DUS3L: variants seen among roughly 807,000 people sequenced by gnomAD.
DUS3L encodes dihydrouridine synthase 3 like.
Under a neutral mutation model 74.6 loss-of-function variants are expected in DUS3L, and 62 were observed. The observed-to-expected ratio is 0.83, with a 90% CI of 0.68 to 1.03. The LOEUF (loss-of-function observed/expected upper bound fraction) is 1.03. Ranked by LOEUF, DUS3L falls within the 50% of genes least tolerant of loss-of-function variation. The probability of loss-of-function intolerance (pLI) is 0.00; values close to 1 mark genes in which losing one functional copy is unlikely to be tolerated. For missense variants in DUS3L, 884 were observed against 924.4 expected (o/e 0.96, Z 0.57); for synonymous variants, 433 against 395.7 (o/e 1.09, Z -1.12).
chr19:5,789,905 G>A (rs1599623262), intron 2 of DUS3L, 142 bp downstream of exon 2: 1 of 1,327,398 alleles, frequency 7.5e-7, no homozygotes, highest in Non-Finnish European at 1.0e-6. Context: ...TGTATCCCGA[G>A]GAGAATGAAG....
In DUS3L at chr19:5,788,134, C is replaced by G; in HGVS notation, c.985G>C (p.Ala329Pro). The G allele has an allele frequency of 6.2e-7, 1 of 1,613,644 alleles. No homozygotes were observed. The highest frequency in any genetic ancestry group is 8.5e-7 in the Non-Finnish European group (1 of 1,180,028). The part of the protein sequence containing the change: ...PFRRICKRFG[A>P]DVTCGEMAVC... Reference sequence around the variant, plus strand: ...GCCATCTCTCCACATGTCACATCCGCCCCGAAGCGCTTGCAGATCCGTCGG... The same window carrying G: ...GCCATCTCTCCACATGTCACATCCGGCCCGAAGCGCTTGCAGATCCGTCGG... Residue 329 changes from alanine (A) to proline (P), a missense_variant, in exon 5 of 13, where the codon GCG becomes CCG. Ala to Pro is a conservative substitution (Grantham distance 27). Coordinates refer to ENST00000309061, the MANE Select transcript of DUS3L (RefSeq NM_020175.3).
rs779391537 is a variant in DUS3L at position 5,786,891 on chromosome 19, G to A, written c.1390-46C>T. On this transcript the variant is annotated intron_variant, in intron 8 of 12. Transcript: ENST00000309061. Reference sequence around the variant, plus strand: ...CAGGGTAGGAGGCAGAGAGTGAGACGCAGAGAGGAAGAGACCAAGAGAGCC... The same window carrying A: ...CAGGGTAGGAGGCAGAGAGTGAGACACAGAGAGGAAGAGACCAAGAGAGCC... 2.7e-5 allele frequency: 42 copies of A among 1,560,042 alleles called. No homozygotes were observed. In the Admixed American group the frequency reaches 6.6e-4, roughly 24 times the overall value.
At chr19:5,786,601 T>C in intron 9 of DUS3L, 59 bp from the exon 10 acceptor site, 1 of 1,594,432 alleles carries the variant, frequency 6.3e-7, no homozygotes, top group East Asian at 2.2e-5. Context: ...CCTGGAGTTC[T>C]GCTCACCAGC....
Position 5,785,179 on chromosome 19 carries a change from G to T in DUS3L, c.*24C>A. ...AATTTATTGTACTCTCCTCGCCCCA[G>T]GGTGCCCCTGGGAAAGCCTGAGGCT... On this transcript the variant is annotated 3_prime_UTR_variant, in exon 13 of 13. Transcript: ENST00000309061. 6.3e-7 allele frequency: 1 copy of T among 1,590,562 alleles called. No individual in the cohort carries two copies. The highest frequency in any genetic ancestry group is 1.1e-5 in the South Asian group (1 of 88,056).
chr19:5,789,903 G>A (rs1406863117), intron 2 of DUS3L, 144 bp downstream of exon 2: 5 of 1,321,032 alleles, frequency 3.8e-6, no homozygotes, highest in Non-Finnish European at 5.2e-6. Context: ...AATGTATCCC[G>A]AGGAGAATGA....
chr19:5,787,358 C>T lies in DUS3L; in HGVS notation c.1216G>A (p.Gly406Arg), dbSNP rs982880954. ...GAGCGATTCATGAGGGCACAGCCCC[C>T]ACCCTGGAAGAGACAGGCGGGTGGA... ...CPIDLVYKKG[G>R]GCALMNRSTK... The change falls in exon 7 of 13, where the codon GGG becomes AGG. Residue 406 changes from glycine to arginine, a missense_variant. By Grantham distance (125) the Gly-to-Arg change is moderately radical. Transcript: ENST00000309061. The T allele has an allele frequency of 6.2e-7, 1 of 1,612,382 alleles. No individual in the cohort carries two copies. Among genetic ancestry groups the T allele is most frequent in the Non-Finnish European group, 8.5e-7 (1 of 1,179,570 alleles).
In DUS3L at chr19:5,789,636, G is replaced by A; in HGVS notation, c.471C>T (p.Asp157=). 1 of 1,605,700 alleles carries A rather than the reference G, an allele frequency of 6.2e-7. No homozygotes were observed. Among genetic ancestry groups the A allele is most frequent in the South Asian group, 1.1e-5 (1 of 89,650 alleles). The change falls in exon 3 of 13, where the codon GAC becomes GAT. Residue 157 remains aspartate (D), a synonymous_variant. Coordinates refer to ENST00000309061, the MANE Select transcript of DUS3L (RefSeq NM_020175.3). ...VGRYLETKPA[D]LGPRCVLFET... ...CGAAGAGCACGCAGCGGGGGCCCAG[G>A]TCGGCCGGCTTGGTCTCCAGGTAGC...
intron 4 of DUS3L, 87 bp from the exon 5 acceptor site, chr19:5,788,263 C>T: frequency 6.2e-7 from 1 of 1,610,028 alleles, no homozygotes; most frequent in Non-Finnish European, 8.5e-7. Context: ...CGCCCCAGCC[C>T]CACAATCCAG....
rs1568388921 is a variant in DUS3L at position 5,789,999 on chromosome 19, C to G, written c.387+48G>C. The G allele has an allele frequency of 2.5e-6, 4 of 1,602,254 alleles. No homozygotes were observed. In the East Asian group the frequency reaches 9.0e-5, roughly 36 times the overall value. The stretch of plus-strand genomic sequence containing the variant: ...CAATTACCCGCTGCCAGGAAACACA[C>G]CCTGCTCCTGCCTGCCCCGGCAGGA... On this transcript the variant is annotated intron_variant, in intron 2 of 12. Coordinates refer to ENST00000309061, the MANE Select transcript of DUS3L (RefSeq NM_020175.3).
chr19:5,788,074 C>T lies in DUS3L; in HGVS notation c.1045G>A (p.Glu349Lys), dbSNP rs141881706. Residue 349 changes from glutamate to lysine, a missense_variant, in exon 5 of 13, where the codon GAG (glutamate) becomes AAG (lysine). Physicochemically the swap from Glu to Lys is moderately conservative, Grantham distance 56. Transcript: ENST00000309061. ...CTNLLQGQMSEWALLKRHQCE... is the reference protein window; with the variant it reads ...CTNLLQGQMSKWALLKRHQCE... ...TGGTGGCGTTTGAGTAGGGCCCACT[C>T]GGACATCTGGCCCTGCAGCAGGTTG... 1.1e-5 allele frequency: 17 copies of T among 1,613,736 alleles called. No homozygotes were observed. The highest frequency in any genetic ancestry group is 5.0e-5 in the Admixed American group (3 of 60,030).
At chr19:5,787,480 A>G in intron 6 of DUS3L, 109 bp downstream of exon 6, 1 of 1,510,120 alleles carries the variant, frequency 6.6e-7, no homozygotes. Flanking sequence ...CAGGGACTCC[A>G]GGGCCACACT....
chr19:5,786,989 G>A (rs976974163), intron 8 of DUS3L, 72 bp downstream of exon 8: 5 of 1,489,316 alleles, frequency 3.4e-6, no homozygotes, highest in South Asian at 2.6e-5. Context: ...AGGGATGGGA[G>A]GAGAGGAGCC....
chr19:5,785,647 C>T lies in DUS3L; in HGVS notation c.1707G>A (p.Glu569=). The T allele has an allele frequency of 6.2e-7, 1 of 1,612,264 alleles. No homozygotes were observed. Among genetic ancestry groups the T allele is most frequent in the Non-Finnish European group, 8.5e-7 (1 of 1,179,648 alleles). The change falls in exon 11 of 13, where the codon GAG becomes GAA. Residue 569 remains glutamate (E), a synonymous_variant. Coordinates refer to ENST00000309061, the MANE Select transcript of DUS3L (RefSeq NM_020175.3). ...ACTCGAGCAGAAAGCGCCGGGTCTT[C>T]TCCACGCCCTGCGTGTCCGAGCCCC... The part of the protein sequence containing the change: ...EHWGSDTQGV[E]KTRRFLLEWL...
At position 5,785,571 on chromosome 19, in the gene DUS3L, C is replaced by T. The variant is rs767166302; in HGVS notation, c.1751+32G>A. 9.6e-5 allele frequency: 152 copies of T among 1,576,152 alleles called. 1 individual carries two copies. Among genetic ancestry groups the T allele is most frequent in the Non-Finnish European group, 1.3e-4 (148 of 1,161,200 alleles). Reference sequence around the variant, plus strand: ...CAGCTCTAACCAGCCGCGGCCCACGCGCCGCCCACCCCAGCCAGCCCCGGT... The same window carrying T: ...CAGCTCTAACCAGCCGCGGCCCACGTGCCGCCCACCCCAGCCAGCCCCGGT... On this transcript the variant is annotated intron_variant, in intron 11 of 12. Coordinates refer to ENST00000309061, the MANE Select transcript of DUS3L (RefSeq NM_020175.3).
In DUS3L at chr19:5,789,409, C is replaced by CG; in HGVS notation, c.697dup (p.Arg233ProfsTer40). 6.3e-7 allele frequency: 1 copy of CG among 1,594,890 alleles called. No individual in the cohort carries two copies. The highest frequency in any genetic ancestry group is 8.5e-7 in the Non-Finnish European group (1 of 1,174,354). Reference sequence around the variant, plus strand: ...GGGTGTGGGGCCCTGGCTGAACCGGCGCAGGGCCTGCTCAGCTCGCTCGAA... The same window carrying CG: ...GGGTGTGGGGCCCTGGCTGAACCGGCGGCAGGGCCTGCTCAGCTCGCTCGAA... On this transcript the variant is annotated frameshift_variant, in exon 3 of 13. Coordinates refer to ENST00000309061, the MANE Select transcript of DUS3L (RefSeq NM_020175.3). LOFTEE classifies it high-confidence loss of function.
Position 5,786,791 on chromosome 19 carries a change from T to C in DUS3L, c.1444A>G (p.Ile482Val), listed in dbSNP as rs766509457. 1 of 1,612,162 alleles carries C rather than the reference T, an allele frequency of 6.2e-7. No homozygotes were observed. Among genetic ancestry groups the C allele is most frequent in the South Asian group, 1.1e-5 (1 of 90,884 alleles). The change falls in exon 9 of 13, where the codon ATC (isoleucine) becomes GTC (valine). Residue 482 changes from isoleucine to valine, a missense_variant. By Grantham distance (29) the Ile-to-Val change is conservative (BLOSUM62 3). Coordinates refer to ENST00000309061, the MANE Select transcript of DUS3L (RefSeq NM_020175.3). ...CTGGCGGCCTGCACGCACTCCTCGA[T>C]GTACTGCCAGTCGGCTAGCTTGGTG... is the stretch of plus-strand genomic sequence containing the variant. ...RYTKLADWQY[I>V]EECVQAASPM...
Position 5,785,782 on chromosome 19 carries a change from C to T in DUS3L, c.1572G>A (p.Leu524=). 6.3e-7 allele frequency: 1 copy of T among 1,596,734 alleles called. No homozygotes were observed. The highest frequency in any genetic ancestry group is 8.5e-7 in the Non-Finnish European group (1 of 1,173,022). Residue 524 remains leucine, a synonymous_variant, in exon 11 of 13, where the codon CTG becomes CTA. Transcript: ENST00000309061. ...VTGIMIARGA[L]LKPWLFTEIK... ...TCTCCGTGAAGAGCCACGGCTTGAG[C>T]AGGGCGCCACTGTGGGACGGGTGAC... is the stretch of plus-strand genomic sequence containing the variant.
At chr19:5,786,721 G>C (rs541558543) in intron 9 of DUS3L, 28 bp downstream of exon 9, 19 of 1,606,078 alleles carry the variant, frequency 1.2e-5, no homozygotes, top group Non-Finnish European at 1.6e-5. Context: ...TGGTAGGGGA[G>C]AGGGAGGTGG....
chr19:5,788,133 G>T lies in DUS3L; in HGVS notation c.986C>A (p.Ala329Glu). Reference sequence around the variant, plus strand: ...GGCCATCTCTCCACATGTCACATCCGCCCCGAAGCGCTTGCAGATCCGTCG... The same window carrying T: ...GGCCATCTCTCCACATGTCACATCCTCCCCGAAGCGCTTGCAGATCCGTCG... The part of the protein sequence containing the change: ...PFRRICKRFG[A>E]DVTCGEMAVC... The change falls in exon 5 of 13, where the codon GCG (alanine) becomes GAG (glutamate). Residue 329 changes from alanine (A) to glutamate (E), a missense_variant. By Grantham distance (107) the Ala-to-Glu change is moderately radical (BLOSUM62 -1). Coordinates refer to ENST00000309061, the MANE Select transcript of DUS3L (RefSeq NM_020175.3). 1 of 1,613,566 alleles carries T rather than the reference G, an allele frequency of 6.2e-7. No individual in the cohort carries two copies. The highest frequency in any genetic ancestry group is 8.5e-7 in the Non-Finnish European group (1 of 1,180,034).
Sources: gnomAD v4.1 joint callset for allele counts on GRCh38, gnomAD v4.1.1 for gene constraint, MANE v1.5 for transcripts, NCBI Gene and HGNC (gene_info 2026-07-23, HGNC 2026-07-21) for gene names.